GALNT9: variants seen among roughly 807,000 people sequenced by gnomAD.
GALNT9 encodes polypeptide N-acetylgalactosaminyltransferase 9, also known as GalNAc transferase 9.
A neutral mutation model predicts 63.1 loss-of-function variants in GALNT9; 47 were observed. That is an observed-to-expected ratio of 0.75 (90% confidence interval 0.59 to 0.95). The LOEUF (loss-of-function observed/expected upper bound fraction) is 0.95, where lower values mean the gene tolerates loss of function less well. Among genes scored for constraint, GALNT9 ranks in the 40% least tolerant of loss-of-function variants. The probability of loss-of-function intolerance (pLI) is 0.00; values close to 1 mark genes in which losing one functional copy is unlikely to be tolerated. For synonymous variants in GALNT9, 396 were observed against 365.7 expected (o/e 1.08, Z -0.94); for missense variants, 829 against 874.8 (o/e 0.95, Z 0.66).
At chr12:132,268,868 A>T (rs938339080) in intron 2 of GALNT9, among the ~76,000 whole-genome samples, 2 of 152,232 alleles carry the variant, frequency 1.3e-5, no homozygotes, top group African/African-American at 2.4e-5. Context: ...CGTGCAGCCG[A>T]CGTACAAAAG....
chr12:132,251,404 C>T (rs1455137158), intron 5 of GALNT9, among the ~76,000 whole-genome samples: 1 of 152,218 alleles, frequency 6.6e-6, no homozygotes, highest in African/African-American at 2.4e-5. Context: ...TGCTCTGCGT[C>T]TTGGGGGGCT....
At chr12:132,289,279 T>C (rs1441601799) in intron 1 of GALNT9, among the ~76,000 whole-genome samples, 1 of 152,236 alleles carries the variant, frequency 6.6e-6, no homozygotes, top group African/African-American at 2.4e-5. Context: ...TTCATTCTCT[T>C]GGTTTTCATC....
chr12:132,197,372 T>TGGAAA, intron 10 of GALNT9, 119 bp from the exon 11 acceptor site: 1 of 1,439,450 alleles, frequency 6.9e-7, no homozygotes, highest in Non-Finnish European at 9.3e-7. Context: ...GCAGCTTGAA[T>TGGAAA]GGAAAGCCAG....
chr12:132,260,381 C>G (rs1276414560), intron 4 of GALNT9, among the ~76,000 whole-genome samples: 1 of 152,194 alleles, frequency 6.6e-6, no homozygotes, highest in African/African-American at 2.4e-5. Context: ...TCCGAGCCGC[C>G]CAGAAGGGGT....
At chr12:132,304,413 G>T (rs376786652) in intron 1 of GALNT9, among the ~76,000 whole-genome samples, 1 of 37,494 alleles carries the variant, frequency 2.7e-5, no homozygotes, top group African/African-American at 1.2e-4. Context: ...ACCCAGACAC[G>T]CCCTCACCCG....
At position 132,238,135 on chromosome 12, in the gene GALNT9, G is replaced by A. The variant is rs1209635277; in HGVS notation, c.1077+9775C>T. Among the ~76,000 whole-genome samples, 1 of 152,228 alleles carries A rather than the reference G, an allele frequency of 6.6e-6. No individual in the cohort carries two copies. Among genetic ancestry groups the A allele is most frequent in the Non-Finnish European group, 1.5e-5 (1 of 68,034 alleles). The stretch of plus-strand genomic sequence containing the variant: ...TCGGTGGCTTGAAGGACATAGTCAT[G>A]ACCTTACAGCAACGAGCCTGGCTGA... On this transcript the variant is annotated intron_variant, in intron 6 of 10. Coordinates refer to ENST00000328957, the MANE Select transcript of GALNT9 (RefSeq NM_001122636.2). The surrounding 1 kb of genome is among the most constrained non-coding windows in gnomAD (Gnocchi z 6.5).
intron 2 of GALNT9, among the ~76,000 whole-genome samples, chr12:132,268,272 C>T: frequency 6.6e-6 from 1 of 152,160 alleles, no homozygotes; most frequent in Middle Eastern, 3.2e-3. Context: ...CACCCCTACA[C>T]ACGCACGCAC....
rs1271266456 is a variant in GALNT9, at chr12:132,296,088, C to CA, written c.239-9659_239-9658insT. On this transcript the variant is annotated intron_variant, in intron 1 of 10. Transcript: ENST00000328957. This position sits in a 1 kb window ranked among gnomAD's most constrained non-coding sequence, Gnocchi z 4.2. ...GAGGCTCCGGAACAGGGAGAGCCTC[C>CA]GAACAGGGAGAGCCTCCGAACAGGG... 7.0e-6 allele frequency among the ~76,000 whole-genome samples: 1 copy of CA among 143,528 alleles called. No individual in the cohort carries two copies. The allele number at this position is 143,528 out of a possible 152,430, so 94.2% of individuals were successfully genotyped here.
chr12:132,254,528 G>C (rs1879043251), intron 5 of GALNT9, among the ~76,000 whole-genome samples: 1 of 152,200 alleles, frequency 6.6e-6, no homozygotes, highest in African/African-American at 2.4e-5. Context: ...CGAGAGGAGT[G>C]ATTCTGACAG....
intron 6 of GALNT9, among the ~76,000 whole-genome samples, chr12:132,209,798 C>T (rs989570759): frequency 2.0e-5 from 3 of 152,206 alleles, no homozygotes; most frequent in Non-Finnish European, 2.9e-5. Flanking sequence ...CCAGAAAACT[C>T]AGGAATAATC....
At chr12:132,288,712 C>T (rs112259496) in intron 1 of GALNT9, among the ~76,000 whole-genome samples, 83 of 103,132 alleles carry the variant, frequency 8.0e-4, no homozygotes, top group African/African-American at 2.7e-3. Context: ...GGCTGAGCGT[C>T]GTTCTGGACG....
At chr12:132,202,382 T>G (rs1043733070) in intron 7 of GALNT9, among the ~76,000 whole-genome samples, 12 of 152,200 alleles carry the variant, frequency 7.9e-5, no homozygotes, top group African/African-American at 2.9e-4. Flanking sequence ...CTACGGCTCC[T>G]GATCTGCCTG....
chr12:132,200,244 G>C (rs918820137), intron 8 of GALNT9, among the ~76,000 whole-genome samples: 3 of 152,202 alleles, frequency 2.0e-5, no homozygotes, highest in Non-Finnish European at 1.5e-5. Flanking sequence ...GCCAGCTCAG[G>C]GCTGGGACGC....
At chr12:132,256,530 C>G (rs1261120092) in intron 5 of GALNT9, among the ~76,000 whole-genome samples, 2 of 148,278 alleles carry the variant, frequency 1.3e-5, no homozygotes, top group African/African-American at 5.0e-5. Context: ...GAGAAAAACA[C>G]CTGGGAGTGG....
intron 1 of GALNT9, among the ~76,000 whole-genome samples, chr12:132,312,972 A>G (rs1471756594): frequency 1.3e-5 from 2 of 152,130 alleles, no homozygotes. Context: ...CCAGCATTCC[A>G]GATCCTGTCT....
At chr12:132,247,350 A>G (rs919943706) in intron 6 of GALNT9, 1 of 344,434 alleles carries the variant, frequency 2.9e-6, no homozygotes, top group Non-Finnish European at 5.7e-6. Context: ...TAAAGTAGAC[A>G]TGGGAAATGC....
chr12:132,317,693 A>G (rs1868585804), intron 1 of GALNT9, among the ~76,000 whole-genome samples: 1 of 152,224 alleles, frequency 6.6e-6, no homozygotes. Context: ...CCCCTCGCTC[A>G]GTAGAGGCTG....
At chr12:132,227,732 C>T (rs1877750668) in intron 6 of GALNT9, among the ~76,000 whole-genome samples, 1 of 152,092 alleles carries the variant, frequency 6.6e-6, no homozygotes, top group Admixed American at 6.6e-5. Context: ...TATTGTCATC[C>T]TTAGTGACAG....
chr12:132,268,775 C>T lies in GALNT9; in HGVS notation c.420-6150G>A, dbSNP rs184912436. Among the ~76,000 whole-genome samples, 108 of 152,298 alleles carry T rather than the reference C, an allele frequency of 7.1e-4. 1 individual carries two copies. Among genetic ancestry groups the T allele is most frequent in the African/African-American group, 2.1e-3 (86 of 41,560 alleles). Reference sequence around the variant, plus strand: ...CGCCCAAGCAGCCATCAAGCACGTGCGCAGGTGCCCCCCTCGGCGGCCATC... The same window carrying T: ...CGCCCAAGCAGCCATCAAGCACGTGTGCAGGTGCCCCCCTCGGCGGCCATC... On this transcript the variant is annotated intron_variant, in intron 2 of 10. Transcript: ENST00000328957.
Sources: gnomAD v4.1 joint callset for allele counts (sites outside exome capture counted in the v4.1 genomes callset) on GRCh38, gnomAD v4.1.1 for gene constraint, Gnocchi (gnomAD v3.1) non-coding constraint, MANE v1.5 for transcripts, NCBI Gene and HGNC (gene_info 2026-07-23, HGNC 2026-07-21) for gene names.